CD86: variants seen among roughly 807,000 people sequenced by gnomAD.
CD86 encodes CD86 molecule.
In CD86, 11 loss-of-function variants were observed where a neutral mutation model predicts 32.1. The ratio of observed to expected loss-of-function variants is 0.34; its 90% confidence interval spans 0.22 to 0.57. CD86 has a LOEUF of 0.57. Ranked by LOEUF, CD86 falls within the 20% of genes least tolerant of loss-of-function variation. The pLI is 0.86. For missense variants in CD86, 359 were observed against 398.4 expected (o/e 0.90, Z 0.84); for synonymous variants, 137 against 135.3 (o/e 1.01, Z -0.09).
At chr3:122,101,513 A>AAATATATATAT (rs1202377219) in intron 2 of CD86, among the ~76,000 whole-genome samples, 11 of 46,340 alleles carry the variant, frequency 2.4e-4, no homozygotes, top group African/African-American at 6.8e-4. Flanking sequence ...AAAAAAAAAA[A>AAATATATATAT]ATATATATAT....
At chr3:122,105,094 A>C (rs897189626) in intron 3 of CD86, among the ~76,000 whole-genome samples, 1 of 152,262 alleles carries the variant, frequency 6.6e-6, no homozygotes, top group African/African-American at 2.4e-5. Context: ...ACTAGGCTGC[A>C]GGGCTTTAGG....
chr3:122,066,814 C>G (rs1486461643), intron 1 of CD86, among the ~76,000 whole-genome samples: 4 of 151,940 alleles, frequency 2.6e-5, no homozygotes, highest in African/African-American at 9.7e-5. Context: ...TCAGAGCAGG[C>G]CAACTATATG....
At chr3:122,082,706 C>T (rs943258446) in intron 1 of CD86, among the ~76,000 whole-genome samples, 4 of 152,214 alleles carry the variant, frequency 2.6e-5, no homozygotes, top group Admixed American at 2.0e-4. Flanking sequence ...AACTGAAGTA[C>T]AGATTCTTAC....
chr3:122,117,004 A>G (rs78553644), intron 5 of CD86, among the ~76,000 whole-genome samples: 8,042 of 152,188 alleles, frequency 0.053, 426 homozygotes, highest in African/African-American at 0.14. Context: ...ACTGAAAATG[A>G]TTGGGTTTTA....
intron 1 of CD86, among the ~76,000 whole-genome samples, chr3:122,078,547 A>G (rs911960459): frequency 2.6e-5 from 4 of 152,090 alleles, no homozygotes; most frequent in African/African-American, 7.2e-5. Flanking sequence ...CCCTTCCCCA[A>G]TATTTCTTCC....
chr3:122,111,349 C>T (rs920292258), intron 5 of CD86, among the ~76,000 whole-genome samples: 5 of 152,136 alleles, frequency 3.3e-5, no homozygotes, highest in Admixed American at 1.3e-4. Context: ...TAAAATAATG[C>T]CCCCCACAAG....
intron 4 of CD86, among the ~76,000 whole-genome samples, chr3:122,106,994 A>G (rs191370140): frequency 3.3e-5 from 5 of 152,304 alleles, no homozygotes; most frequent in Admixed American, 3.3e-4. Context: ...GGACCTTCCA[A>G]TAGAATCAGA....
intron 1 of CD86, among the ~76,000 whole-genome samples, chr3:122,067,443 A>T (rs894566529): frequency 2.6e-5 from 4 of 152,222 alleles, no homozygotes; most frequent in African/African-American, 9.6e-5. Context: ...CAATATGTAA[A>T]ATCCAAGGTA....
chr3:122,080,006 A>G (rs753370410), intron 1 of CD86, among the ~76,000 whole-genome samples: 8 of 152,194 alleles, frequency 5.3e-5, no homozygotes, highest in Non-Finnish European at 1.2e-4. Context: ...CCTTAGCCCA[A>G]GGAATGAGTA....
chr3:122,070,821 G>A (rs2072478790), intron 1 of CD86, among the ~76,000 whole-genome samples: 1 of 152,168 alleles, frequency 6.6e-6, no homozygotes, highest in Non-Finnish European at 1.5e-5. Flanking sequence ...GCAACATAGG[G>A]AAGTGAACAT....
chr3:122,101,478 T>C (rs1267408820), intron 2 of CD86, among the ~76,000 whole-genome samples: 2 of 124,156 alleles, frequency 1.6e-5, no homozygotes, highest in Non-Finnish European at 3.2e-5. Context: ...GGAAAGAAGA[T>C]ACTGTGAGGC....
chr3:122,083,063 C>T (rs2072656433), intron 1 of CD86, among the ~76,000 whole-genome samples: 1 of 152,136 alleles, frequency 6.6e-6, no homozygotes, highest in Non-Finnish European at 1.5e-5. Context: ...ATTTCTTGAT[C>T]TATCCACTTT....
At chr3:122,090,253 A>G (rs1320656652) in intron 1 of CD86, among the ~76,000 whole-genome samples, 1 of 152,220 alleles carries the variant, frequency 6.6e-6, no homozygotes, top group Non-Finnish European at 1.5e-5. Context: ...CTTCTAGCCC[A>G]ATGTCCTGCA....
intron 1 of CD86, among the ~76,000 whole-genome samples, chr3:122,065,392 CAACAA>C (rs1299919410): frequency 1.3e-5 from 2 of 152,284 alleles, no homozygotes; most frequent in South Asian, 2.1e-4. Flanking sequence ...GTCATCAAAA[CAACAA>C]AACAAAACAA....
At chr3:122,077,898 C>T (rs1172873666) in intron 1 of CD86, 5 of 985,430 alleles carry the variant, frequency 5.1e-6, no homozygotes, top group Non-Finnish European at 6.0e-6. Context: ...ATTTCTCTCT[C>T]TACAAGGAGC....
At chr3:122,091,894 A>T (rs2072830106) in intron 2 of CD86, 9 of 501,890 alleles carry the variant, frequency 1.8e-5, no homozygotes, top group Non-Finnish European at 3.2e-5. Flanking sequence ...GCAGTCTCAC[A>T]TCAGTGAGCC....
At chr3:122,101,356 G>A (rs1271303926) in intron 2 of CD86, among the ~76,000 whole-genome samples, 1 of 151,796 alleles carries the variant, frequency 6.6e-6, no homozygotes, top group Non-Finnish European at 1.5e-5. Flanking sequence ...CAGTTGCTAG[G>A]TGAAGAAGGG....
intron 1 of CD86, among the ~76,000 whole-genome samples, chr3:122,063,592 ATTT>A (rs60822683): frequency 8.2e-6 from 1 of 121,868 alleles, no homozygotes. Flanking sequence ...ACATAGAAAG[ATTT>A]TTTTTTTTTT....
intron 1 of CD86, among the ~76,000 whole-genome samples, chr3:122,061,515 AAAAC>A (rs1469292026): frequency 5.9e-5 from 9 of 152,324 alleles, no homozygotes; most frequent in Admixed American, 3.9e-4. Flanking sequence ...ATTAGACAGT[AAAAC>A]AAACAATCCA....
Sources: gnomAD v4.1 joint callset for allele counts (sites outside exome capture counted in the v4.1 genomes callset) on GRCh38, gnomAD v4.1.1 for gene constraint, MANE v1.5 for transcripts, NCBI Gene and HGNC (gene_info 2026-07-23, HGNC 2026-07-21) for gene names.